Variants in TLL1 observed in about 807,000 individuals in gnomAD.
TLL1 encodes the protein tolloid-like protein 1.
A neutral mutation model predicts 128.2 loss-of-function variants in TLL1; 49 were observed. That is an observed-to-expected ratio of 0.38 (90% CI 0.30 to 0.48). The LOEUF (loss-of-function observed/expected upper bound fraction) is 0.48, where lower values mean the gene tolerates loss of function less well. Ranked by LOEUF, TLL1 falls within the 20% of genes least tolerant of loss-of-function variation. TLL1 has a pLI of 0.96. For synonymous variants in TLL1, 454 were observed against 418.8 expected (o/e 1.08, Z -1.03); for missense variants, 1,123 against 1,242.0 (o/e 0.90, Z 1.44).
In TLL1 at chr4:166,104,291, C is replaced by T. The variant is rs1742418722; in HGVS notation, c.*3415C>T. On this transcript the variant is annotated 3_prime_UTR_variant, in exon 21 of 21. Transcript: ENST00000061240. ...ATATCTTTATGTAGATTTAGAAGGA[C>T]TGCAACCCTATGTGACATTATAACT... Among the ~76,000 whole-genome samples the T allele has an allele frequency of 6.6e-6, 1 of 151,880 alleles. No homozygotes were observed. Among genetic ancestry groups the T allele is most frequent in the African/African-American group, 2.4e-5 (1 of 41,386 alleles).
intron 1 of TLL1, among the ~76,000 whole-genome samples, chr4:165,906,357 G>A (rs1394355783): frequency 6.6e-6 from 1 of 152,204 alleles, no homozygotes. Context: ...ACCTTATAAG[G>A]TAGATATTGT....
chr4:165,916,466 A>C (rs1732779893), intron 1 of TLL1, among the ~76,000 whole-genome samples: 1 of 152,232 alleles, frequency 6.6e-6, no homozygotes, highest in Admixed American at 6.5e-5. Context: ...GGAGGTGTAC[A>C]TCAGCGTCTG....
chr4:166,017,624 G>A (rs72974338), intron 8 of TLL1, among the ~76,000 whole-genome samples: 41,584 of 151,738 alleles, frequency 0.27, 6,131 homozygotes, highest in East Asian at 0.4. Context: ...TTTAATAATA[G>A]CTATTTTGAT....
At chr4:166,015,857 G>GT (rs143975584) in intron 8 of TLL1, among the ~76,000 whole-genome samples, 8,055 of 144,812 alleles carry the variant, frequency 0.056, 216 homozygotes, top group African/African-American at 0.069. Flanking sequence ...AAGAAATTAT[G>GT]TTTTTTTTTT....
At position 166,094,442 on chromosome 4, in the gene TLL1, A is replaced by G. The variant is rs567174224; in HGVS notation, c.2656+3101A>G. ...TATTAAGTAAATCTTTTCAAAATAT[A>G]TAAGTGACTAGGCTCATTTTATTTC... On this transcript the variant is annotated intron_variant, in intron 19 of 20. Coordinates refer to ENST00000061240, the MANE Select transcript of TLL1 (RefSeq NM_012464.5). Among the ~76,000 whole-genome samples, 12 of 152,136 alleles carry G rather than the reference A, an allele frequency of 7.9e-5. No homozygotes were observed. The South Asian group carries it at 1.0e-3, about 13-fold the overall frequency.
chr4:166,051,836 A>G lies in TLL1; in HGVS notation c.1525-3240A>G, dbSNP rs958590115. Among the ~76,000 whole-genome samples, 5 of 152,202 alleles carry G rather than the reference A, an allele frequency of 3.3e-5. 1 individual carries two copies. Among genetic ancestry groups the G allele is most frequent in the Admixed American group, 6.6e-5 (1 of 15,262 alleles). On this transcript the variant is annotated intron_variant, in intron 12 of 20. Transcript: ENST00000061240. ...AAATCTGTGGCATTCACTGTGTGAG[A>G]ATGCTGTTGCCCCAAATACCAGGTA...
At chr4:165,970,029 C>A (rs1735563501) in intron 1 of TLL1, among the ~76,000 whole-genome samples, 1 of 152,054 alleles carries the variant, frequency 6.6e-6, no homozygotes, top group Non-Finnish European at 1.5e-5. Context: ...CTGAAATATG[C>A]AAGCTACAAA....
chr4:166,054,793 T>C (rs1273600902), intron 12 of TLL1, among the ~76,000 whole-genome samples: 1 of 152,096 alleles, frequency 6.6e-6, no homozygotes, highest in Non-Finnish European at 1.5e-5. Flanking sequence ...TTTCTACTTG[T>C]AGTTTAATTT....
intron 1 of TLL1, among the ~76,000 whole-genome samples, chr4:165,908,470 CT>C (rs983993146): frequency 6.6e-6 from 1 of 151,446 alleles, no homozygotes; most frequent in Non-Finnish European, 1.5e-5. Flanking sequence ...GTAGTCCCAG[CT>C]ACTCAGGAGA....
intron 16 of TLL1, among the ~76,000 whole-genome samples, chr4:166,069,998 A>G (rs562280538): frequency 3.9e-5 from 6 of 151,974 alleles, no homozygotes; most frequent in African/African-American, 1.2e-4. Flanking sequence ...ATTATGTAGA[A>G]TTATGTGTGT....
At chr4:166,005,498 A>G (rs1737381155) in intron 6 of TLL1, among the ~76,000 whole-genome samples, 1 of 151,930 alleles carries the variant, frequency 6.6e-6, no homozygotes, top group Non-Finnish European at 1.5e-5. Flanking sequence ...GTGGTGTCCT[A>G]GAAGCCAAGG....
At chr4:165,900,086 G>C (rs1353721395) in intron 1 of TLL1, among the ~76,000 whole-genome samples, 1 of 143,974 alleles carries the variant, frequency 6.9e-6, no homozygotes, top group African/African-American at 2.6e-5. Flanking sequence ...CTATTTGCTT[G>C]GTAAATATTC....
chr4:165,903,738 C>G lies in TLL1; in HGVS notation c.169+29665C>G, dbSNP rs1413590904. Among the ~76,000 whole-genome samples the G allele has an allele frequency of 4.3e-5, 5 of 115,474 alleles. No individual in the cohort carries two copies. The Admixed American group carries it at 4.4e-4, about 10-fold the overall frequency. 75.8% of individuals were successfully genotyped at this position (115,474 alleles called of 152,430 possible). On this transcript the variant is annotated intron_variant, in intron 1 of 20. Transcript: ENST00000061240. ...GGTTAGATCTTAAGTTCTTATCACA[C>G]ACACACACACACACACACACACACA...
intron 12 of TLL1, among the ~76,000 whole-genome samples, chr4:166,044,802 TAA>T (rs1370068475): frequency 6.6e-6 from 1 of 152,222 alleles, no homozygotes; most frequent in Non-Finnish European, 1.5e-5. Context: ...TTTCAAGAAT[TAA>T]GAGATTAACT....
intron 18 of TLL1, among the ~76,000 whole-genome samples, chr4:166,083,579 A>C (rs538166528): frequency 8.1e-6 from 1 of 122,970 alleles, no homozygotes; most frequent in Non-Finnish European, 1.9e-5. Context: ...AACACCATTC[A>C]ACTCTCTGCT....
intron 1 of TLL1, among the ~76,000 whole-genome samples, chr4:165,938,997 C>T (rs186233925): frequency 6.6e-4 from 100 of 150,560 alleles, no homozygotes; most frequent in African/African-American, 2.3e-3. Context: ...TTCTTTTTCT[C>T]TCTTTGTTTT....
chr4:165,963,149 G>A (rs780322024), intron 1 of TLL1, among the ~76,000 whole-genome samples: 70 of 151,400 alleles, frequency 4.6e-4, no homozygotes, highest in Non-Finnish European at 5.9e-5. Flanking sequence ...TAAATACTGG[G>A]GAATACAAGA....
chr4:166,099,683 G>A lies in TLL1; in HGVS notation c.2907+156G>A, dbSNP rs111740497. ...TAAATGGCTTGACAAAATATAACAC[G>A]TCTCTACCCTTATCACTTCTCCACT... On this transcript the variant is annotated intron_variant, in intron 20 of 20. Transcript: ENST00000061240. 7.8e-3 allele frequency among the ~76,000 whole-genome samples: 1,166 copies of A among 149,254 alleles called. 16 individuals are homozygous for A. Among genetic ancestry groups the A allele is most frequent in the African/African-American group, 0.027 (1,083 of 40,570 alleles).
intron 19 of TLL1, among the ~76,000 whole-genome samples, chr4:166,096,316 C>T (rs191834320): frequency 6.7e-6 from 1 of 148,340 alleles, no homozygotes; most frequent in Admixed American, 6.6e-5. Flanking sequence ...TGCACTGCAA[C>T]AGATAAACGA....
Sources: allele counts gnomAD v4.1 joint callset (sites outside exome capture counted in the v4.1 genomes callset), GRCh38; gene constraint gnomAD v4.1.1; transcripts MANE v1.5; gene names NCBI Gene and HGNC (gene_info 2026-07-23, HGNC 2026-07-21).